Variants in MED16 observed in about 807,000 individuals in gnomAD.
MED16 encodes mediator complex subunit 16.
MED16 carries 81 observed loss-of-function variants against 84.4 expected under a neutral mutation model. The observed-to-expected ratio is 0.96, with a 90% CI of 0.80 to 1.15. The LOEUF is 1.15. Among genes scored for constraint, MED16 ranks in the 50% most tolerant of loss-of-function variants. MED16 has a pLI of 0.00. For missense variants in MED16, 1,585 were observed against 1,245.9 expected (o/e 1.27, Z -4.10); for synonymous variants, 897 against 552.2 (o/e 1.62, Z -8.76).
chr19:880,202 G>A (rs982185481), intron 7 of MED16, 54 bp from the exon 8 acceptor site: 57 of 1,496,926 alleles, frequency 3.8e-5, no homozygotes, highest in Admixed American at 1.6e-4. Flanking sequence ...CACGCCCGCC[G>A]GGGGAGGGGC....
chr19:876,806 G>A (rs1484404204), intron 9 of MED16, among the ~76,000 whole-genome samples, 168 bp downstream of exon 9: 4 of 152,032 alleles, frequency 2.6e-5, no homozygotes, highest in Non-Finnish European at 5.9e-5. Context: ...CCTGCTGCTG[G>A]CACTTTACTG....
At chr19:872,559 G>A (rs949033753) in intron 11 of MED16, among the ~76,000 whole-genome samples, 14 of 151,986 alleles carry the variant, frequency 9.2e-5, no homozygotes, top group African/African-American at 2.7e-4. Context: ...CGTCCGTGAT[G>A]GGCGCGGTGG....
In MED16 at chr19:877,309, T is replaced by C. The variant is rs1053275520; in HGVS notation, c.1354-129A>G. On this transcript the variant is annotated intron_variant, in intron 8 of 15. Coordinates refer to ENST00000325464, the MANE Select transcript of MED16 (RefSeq NM_005481.3). ...GCGCGCACGCCCGTGTGTGGGCCTG[T>C]GTGCGCGCATGTGTCTGTAGCGTCT... 60 of 769,492 alleles carry C rather than the reference T, an allele frequency of 7.8e-5. No individual in the cohort carries two copies. The Admixed American group carries it at 1.5e-3, about 19-fold the overall frequency. 47.7% of individuals were successfully genotyped at this position (769,492 alleles called of 1,614,324 possible). A position where few individuals can be genotyped will look rare whatever the true frequency, so the allele number is the denominator to read the frequency against.
intron 4 of MED16, among the ~76,000 whole-genome samples, chr19:887,783 T>C (rs2036555170): frequency 1.3e-5 from 2 of 151,918 alleles, no homozygotes; most frequent in Non-Finnish European, 2.9e-5. Flanking sequence ...CTACGCAGTG[T>C]GTGATCCTGT....
At chr19:882,812 C>A (rs577809066) in intron 6 of MED16, among the ~76,000 whole-genome samples, 1 of 152,210 alleles carries the variant, frequency 6.6e-6, no homozygotes, top group Non-Finnish European at 1.5e-5. Flanking sequence ...CTGTGCCACC[C>A]GCATCATGAG....
chr19:885,268 A>G (rs73492579), intron 5 of MED16, among the ~76,000 whole-genome samples: 2,898 of 152,244 alleles, frequency 0.019, 80 homozygotes, highest in African/African-American at 0.065. Flanking sequence ...CAGGGGCTTC[A>G]AGGAGTTTGG....
chr19:868,650 G>T, intron 14 of MED16, 151 bp from the exon 15 acceptor site: 1 of 1,189,530 alleles, frequency 8.4e-7, no homozygotes, highest in East Asian at 2.6e-5. Context: ...CTCTGCCCAT[G>T]CTTCTCCTCC....
In MED16 at chr19:871,983, C is replaced by G; in HGVS notation, c.2041G>C (p.Asp681His). ...SCLPVYTATS[D>H]TQDSMSLLFR... is the part of the protein sequence containing the mutation. ...AGCAGGGACATGCTGTCCTGGGTAT[C>G]CGAGGTGGCCGTATACACGGGCAGG... Residue 681 changes from aspartate to histidine, a missense_variant, in exon 12 of 16, where the codon GAT (aspartate) becomes CAT (histidine). Asp to His is a moderately conservative substitution (Grantham distance 81). Coordinates refer to ENST00000325464, the MANE Select transcript of MED16 (RefSeq NM_005481.3). 6.2e-7 allele frequency: 1 copy of G among 1,603,762 alleles called. No homozygotes were observed. Among genetic ancestry groups the G allele is most frequent in the South Asian group, 1.1e-5 (1 of 90,502 alleles).
chr19:880,863 T>G (rs1364464372), intron 7 of MED16, among the ~76,000 whole-genome samples: 1 of 143,090 alleles, frequency 7.0e-6, no homozygotes, highest in African/African-American at 2.6e-5. Context: ...AGGCGGAGGT[T>G]GCAGTGAGCC....
intron 10 of MED16, 60 bp downstream of exon 10, chr19:875,184 T>A (rs2036200388): frequency 5.9e-6 from 7 of 1,178,962 alleles, no homozygotes; most frequent in South Asian, 1.8e-5. Context: ...AAAAAATAAA[T>A]AAAAATAAAA....
At chr19:879,324 C>A (rs1599331607) in intron 8 of MED16, among the ~76,000 whole-genome samples, 1 of 151,806 alleles carries the variant, frequency 6.6e-6, no homozygotes, top group African/African-American at 2.4e-5. Flanking sequence ...AAGCCCAGCC[C>A]CACGTGCCCC....
At chr19:877,278 C>G (rs2036271619) in intron 8 of MED16, 98 bp from the exon 9 acceptor site, 9 of 1,164,424 alleles carry the variant, frequency 7.7e-6, no homozygotes, top group South Asian at 2.8e-5. Context: ...GTGTGTGGAT[C>G]TGTGTGCGCG....
Position 885,028 on chromosome 19 carries a change from G to T in MED16, c.880-20C>A, listed in dbSNP as rs769098170. On this transcript the variant is annotated intron_variant, in intron 5 of 15. Coordinates refer to ENST00000325464, the MANE Select transcript of MED16 (RefSeq NM_005481.3). Reference sequence around the variant, plus strand: ...AAGCACCTGCGGGGGAGGTGGGGGTGAGGGCTGACCCGGCACTGCTGTGGT... The same window carrying T: ...AAGCACCTGCGGGGGAGGTGGGGGTTAGGGCTGACCCGGCACTGCTGTGGT... The T allele has an allele frequency of 1.9e-6, 3 of 1,569,604 alleles. No homozygotes were observed. The South Asian group carries it at 3.4e-5, about 18-fold the overall frequency.
In MED16 at chr19:871,170, T is replaced by G; in HGVS notation, c.2182A>C (p.Ser728Arg). The G allele has an allele frequency of 5.8e-6, 9 of 1,549,092 alleles. No individual in the cohort carries two copies. Among genetic ancestry groups the G allele is most frequent in the Non-Finnish European group, 7.0e-6 (8 of 1,146,100 alleles). The change falls in exon 13 of 16, where the codon AGC (serine) becomes CGC (arginine). Residue 728 changes from serine (S) to arginine (R), a missense_variant. By Grantham distance (110) the Ser-to-Arg change is moderately radical. Transcript: ENST00000325464. ...CLLPSQLLIPSLDWLPASDGL... is the reference protein window; with the variant it reads ...CLLPSQLLIPRLDWLPASDGL... Reference sequence around the variant, plus strand: ...TCGCTGGCTGGCAGCCAGTCCAGGCTGGGGATAAGCAGCTGGCTGGGCAGC... The same window carrying G: ...TCGCTGGCTGGCAGCCAGTCCAGGCGGGGGATAAGCAGCTGGCTGGGCAGC...
In MED16 at chr19:868,225, G is replaced by C. The variant is rs373808985; in HGVS notation, c.2510C>G (p.Ala837Gly). The C allele has an allele frequency of 3.1e-6, 5 of 1,599,590 alleles. No homozygotes were observed. The highest frequency in any genetic ancestry group is 4.3e-6 in the Non-Finnish European group (5 of 1,174,152). Reference protein sequence around the residue: ...CLAVEGRGPDACVTSRASEEA... With the variant: ...CLAVEGRGPDGCVTSRASEEA... Reference sequence around the variant, plus strand: ...CTCAGAAGCTCTGCTGGTCACGCAGGCGTCCGGCCCACGGCCTTCAACAGC... The same window carrying C: ...CTCAGAAGCTCTGCTGGTCACGCAGCCGTCCGGCCCACGGCCTTCAACAGC... The change falls in exon 16 of 16, where the codon GCC becomes GGC. Residue 837 changes from alanine (A) to glycine (G), a missense_variant. By Grantham distance (60) the Ala-to-Gly change is moderately conservative. Coordinates refer to ENST00000325464, the MANE Select transcript of MED16 (RefSeq NM_005481.3).
intron 11 of MED16, among the ~76,000 whole-genome samples, 163 bp from the exon 12 acceptor site, chr19:872,281 G>A (rs2036094688): frequency 6.6e-6 from 1 of 151,938 alleles, no homozygotes; most frequent in South Asian, 2.1e-4. Flanking sequence ...GTGGGTGGAT[G>A]CCGGGGACGC....
intron 14 of MED16, 120 bp from the exon 15 acceptor site, chr19:868,619 C>A: frequency 1.5e-6 from 2 of 1,356,504 alleles, no homozygotes; most frequent in African/African-American, 1.5e-5. Context: ...CTGCTCCCCA[C>A]GTCCCCACCT....
At chr19:874,687 G>A (rs1007403686) in intron 10 of MED16, among the ~76,000 whole-genome samples, 1 of 152,168 alleles carries the variant, frequency 6.6e-6, no homozygotes, top group South Asian at 2.1e-4. Flanking sequence ...AGACCAGCCT[G>A]GGCAACACAG....
In MED16 at chr19:885,832, G is replaced by A. The variant is rs148918948; in HGVS notation, c.817C>T (p.Arg273Cys). ...GTGATGGCGGGAAACTTGTCCTTGC[G>A]GTTGAGGTCGGTGGTGCAGCGCATG... Reference protein sequence around the residue: ...LFMRCTTDLNRKDKFPAITHL... With the variant: ...LFMRCTTDLNCKDKFPAITHL... The change falls in exon 5 of 16, where the codon CGC becomes TGC. Residue 273 changes from arginine to cysteine, a missense_variant. Transcript: ENST00000325464. The A allele has an allele frequency of 2.5e-5, 40 of 1,613,498 alleles. No individual in the cohort carries two copies. Among genetic ancestry groups the A allele is most frequent in the Admixed American group, 5.0e-5 (3 of 60,008 alleles).
Sources: allele counts gnomAD v4.1 joint callset (sites outside exome capture counted in the v4.1 genomes callset), GRCh38; gene constraint gnomAD v4.1.1; transcripts MANE v1.5; gene names NCBI Gene and HGNC (gene_info 2026-07-23, HGNC 2026-07-21).